GNAI1: variants seen among roughly 807,000 people sequenced by gnomAD.
The protein encoded by GNAI1 is guanine nucleotide-binding protein G(i) subunit alpha-1.
A neutral mutation model predicts 38.9 loss-of-function variants in GNAI1; 11 were observed. The ratio of observed to expected loss-of-function variants is 0.28; its 90% CI spans 0.18 to 0.47. The LOEUF is 0.47. Ranked by LOEUF, GNAI1 falls within the 20% of genes least tolerant of loss-of-function variation. GNAI1 has a pLI of 0.99. For synonymous variants in GNAI1, 166 were observed against 145.1 expected (o/e 1.14, Z -1.04); for missense variants, 317 against 436.9 (o/e 0.73, Z 2.45).
chr7:80,170,508 G>A (rs1788083206), intron 1 of GNAI1, among the ~76,000 whole-genome samples: 1 of 152,130 alleles, frequency 6.6e-6, no homozygotes. Flanking sequence ...ACCTGAGACT[G>A]GGTAGTTTAT....
At chr7:80,184,029 CAG>C (rs1788346525) in intron 1 of GNAI1, among the ~76,000 whole-genome samples, 1 of 152,136 alleles carries the variant, frequency 6.6e-6, no homozygotes, top group African/African-American at 2.4e-5. Context: ...TATTTGCTGT[CAG>C]AGATGCAGTT....
intron 1 of GNAI1, among the ~76,000 whole-genome samples, chr7:80,137,425 A>G (rs1787443745): frequency 7.1e-6 from 1 of 141,510 alleles, no homozygotes; most frequent in Non-Finnish European, 1.5e-5. Context: ...GGTTCAAGCG[A>G]TTCTCCAGCC....
chr7:80,140,325 T>C (rs997818402), intron 1 of GNAI1, among the ~76,000 whole-genome samples: 4 of 152,220 alleles, frequency 2.6e-5, no homozygotes, highest in African/African-American at 9.6e-5. Flanking sequence ...TGTTGTTGAA[T>C]GTCTCAGTGA....
chr7:80,165,481 T>C (rs946206507), intron 1 of GNAI1, among the ~76,000 whole-genome samples: 5 of 152,218 alleles, frequency 3.3e-5, no homozygotes, highest in African/African-American at 1.2e-4. Flanking sequence ...AACTCCACTT[T>C]GTATGTTTAT....
At position 80,224,601 on chromosome 7, in the gene GNAI1, G is replaced by C. The variant is rs1789129386; in HGVS notation, c.*7108G>C. Among the ~76,000 whole-genome samples, 3 of 152,218 alleles carry C rather than the reference G, an allele frequency of 2.0e-5. No homozygotes were observed. The highest frequency in any genetic ancestry group is 2.9e-5 in the Non-Finnish European group (2 of 68,050). On this transcript the variant is annotated 3_prime_UTR_variant, in exon 8 of 8. Transcript: ENST00000649796. Reference sequence around the variant, plus strand: ...TGCCTGAACAGATGTTAATAAGTATGCATGATGCACATTAGCATGTCAATG... The same window carrying C: ...TGCCTGAACAGATGTTAATAAGTATCCATGATGCACATTAGCATGTCAATG...
At chr7:80,192,690 G>GT (rs901822022) in intron 3 of GNAI1, among the ~76,000 whole-genome samples, 71 of 151,614 alleles carry the variant, frequency 4.7e-4, no homozygotes, top group African/African-American at 1.5e-3. Flanking sequence ...TTATCTTTTG[G>GT]TTTTTTTTCT....
At chr7:80,189,350 A>G in intron 3 of GNAI1, 119 bp downstream of exon 3, 1 of 836,114 alleles carries the variant, frequency 1.2e-6, no homozygotes. Context: ...AAAGGAACCA[A>G]AAGGATAGAA....
Position 80,221,279 on chromosome 7 carries a change from T to G in GNAI1, c.*3786T>G, listed in dbSNP as rs944334590. On this transcript the variant is annotated 3_prime_UTR_variant, in exon 8 of 8. Transcript: ENST00000649796. Reference sequence around the variant, plus strand: ...TAAGGATTAAATAATCCATTAATTTTAATGGTTGTTGTCAGCATTAAATAA... The same window carrying G: ...TAAGGATTAAATAATCCATTAATTTGAATGGTTGTTGTCAGCATTAAATAA... Among the ~76,000 whole-genome samples, 3 of 152,236 alleles carry G rather than the reference T, an allele frequency of 2.0e-5. No homozygotes were observed. Among genetic ancestry groups the G allele is most frequent in the African/African-American group, 7.2e-5 (3 of 41,456 alleles).
At chr7:80,195,974 C>T (rs924022323) in intron 3 of GNAI1, among the ~76,000 whole-genome samples, 4 of 151,980 alleles carry the variant, frequency 2.6e-5, no homozygotes, top group African/African-American at 9.7e-5. Context: ...TGACAGCCAT[C>T]ATGCTCCCTT....
intron 1 of GNAI1, among the ~76,000 whole-genome samples, chr7:80,167,188 CT>C (rs1166189006): frequency 6.6e-6 from 1 of 152,200 alleles, no homozygotes; most frequent in African/African-American, 2.4e-5. Context: ...TTCTACATCT[CT>C]GACTAATGGA....
At chr7:80,157,068 C>T (rs532669850) in intron 1 of GNAI1, among the ~76,000 whole-genome samples, 1 of 152,196 alleles carries the variant, frequency 6.6e-6, no homozygotes, top group African/African-American at 2.4e-5. Flanking sequence ...TAGAATCACA[C>T]GGAGTAGTTT....
In GNAI1 at chr7:80,201,907, G is replaced by T. The variant is rs138818337; in HGVS notation, c.462-1797G>T. On this transcript the variant is annotated intron_variant, in intron 4 of 7. Transcript: ENST00000649796. The stretch of plus-strand genomic sequence containing the variant: ...CATCGTGATCTATGAGTTCTTGACT[G>T]GGGATGCTAAGATGCAGTCAAGTTG... Among the ~76,000 whole-genome samples the T allele has an allele frequency of 5.6e-4, 86 of 152,220 alleles. No individual in the cohort carries two copies. The East Asian group carries it at 0.015, about 26-fold the overall frequency.
intron 7 of GNAI1, among the ~76,000 whole-genome samples, chr7:80,216,743 A>G (rs1788975632): frequency 6.6e-6 from 1 of 152,184 alleles, no homozygotes; most frequent in Non-Finnish European, 1.5e-5. Context: ...AGTCTTTTAT[A>G]GTCAATAACC....
At chr7:80,135,431 G>A (rs755351883) in intron 1 of GNAI1, 153 bp downstream of exon 1, 31 of 439,322 alleles carry the variant, frequency 7.1e-5, no homozygotes, top group South Asian at 6.8e-5. Context: ...GAGGCAAGGC[G>A]GGTCCCCCTC....
intron 5 of GNAI1, among the ~76,000 whole-genome samples, chr7:80,205,618 G>A (rs1788761254): frequency 6.6e-6 from 1 of 151,866 alleles, no homozygotes; most frequent in African/African-American, 2.4e-5. Flanking sequence ...GTTTAGTGGA[G>A]TTTTTTGGTT....
At chr7:80,189,991 A>G (rs1310638849) in intron 3 of GNAI1, among the ~76,000 whole-genome samples, 2 of 151,872 alleles carry the variant, frequency 1.3e-5, no homozygotes, top group East Asian at 3.9e-4. Context: ...ATTTATTTCT[A>G]GCAGATATAT....
chr7:80,172,543 G>T (rs767910325), intron 1 of GNAI1, among the ~76,000 whole-genome samples: 1 of 152,124 alleles, frequency 6.6e-6, no homozygotes, highest in Non-Finnish European at 1.5e-5. Context: ...GTAGAGTCAT[G>T]ACCTTTTTTT....
At chr7:80,158,027 C>T (rs553003705) in intron 1 of GNAI1, among the ~76,000 whole-genome samples, 14 of 152,032 alleles carry the variant, frequency 9.2e-5, no homozygotes, top group African/African-American at 1.7e-4. Flanking sequence ...TATTTTTATA[C>T]GCTTATTTTC....
chr7:80,174,730 G>A (rs1012874369), intron 1 of GNAI1, among the ~76,000 whole-genome samples: 3 of 151,926 alleles, frequency 2.0e-5, no homozygotes, highest in Admixed American at 6.6e-5. Flanking sequence ...CTCTTGGATC[G>A]CATAAACCGA....
Sources: gnomAD v4.1 joint callset for allele counts (sites outside exome capture counted in the v4.1 genomes callset) on GRCh38, gnomAD v4.1.1 for gene constraint, MANE v1.5 for transcripts, NCBI Gene and HGNC (gene_info 2026-07-23, HGNC 2026-07-21) for gene names.